The following CSMD1 variants were observed in gnomAD, a reference collection of about 807,000 sequenced individuals.
The protein encoded by CSMD1 is CUB and Sushi multiple domains 1, also known as CUB and sushi domain-containing protein 1.
A neutral mutation model predicts 417.5 loss-of-function variants in CSMD1; 213 were observed. That is an observed-to-expected ratio of 0.51 (90% CI 0.46 to 0.57). The LOEUF (loss-of-function observed/expected upper bound fraction) is 0.57, where lower values mean the gene tolerates loss of function less well. CSMD1 is among the 20% of genes least tolerant of loss of function. CSMD1 has a pLI of 0.00. For synonymous variants in CSMD1, 2,862 were observed against 1,736.8 expected, an observed-to-expected ratio of 1.65 and a Z score of -16.11; for missense variants, 6,923 against 4,529.7, an observed-to-expected ratio of 1.53 and a Z score of -15.17.
intron 3 of CSMD1, among the ~76,000 whole-genome samples, chr8:4,327,265 G>C (rs1422286335): frequency 3.3e-5 from 5 of 152,138 alleles, no homozygotes; most frequent in Non-Finnish European, 1.5e-5. Context: ...CCATTTTACA[G>C]TCAATTGCTC....
chr8:3,653,817 T>C (rs957165282), intron 7 of CSMD1, among the ~76,000 whole-genome samples: 1 of 152,168 alleles, frequency 6.6e-6, no homozygotes, highest in Non-Finnish European at 1.5e-5. Flanking sequence ...GACCAATACA[T>C]ATTTGATAGA....
At chr8:3,967,219 C>G (rs1563263777) in intron 5 of CSMD1, among the ~76,000 whole-genome samples, 1 of 152,098 alleles carries the variant, frequency 6.6e-6, no homozygotes, top group African/African-American at 2.4e-5. Context: ...CTCTTCCCCA[C>G]TTCAGCTATT....
At chr8:3,028,227 G>T (rs919549171) in intron 51 of CSMD1, among the ~76,000 whole-genome samples, 4 of 152,174 alleles carry the variant, frequency 2.6e-5, no homozygotes, top group African/African-American at 9.7e-5. Flanking sequence ...TAGGCAAAAG[G>T]TTAGAGTTCC....
rs146926975 is a variant in CSMD1 at position 3,308,460 on chromosome 8, G to A, written c.3675C>T (p.Tyr1225=). 421 of 1,613,536 alleles carry A rather than the reference G, an allele frequency of 2.6e-4. 1 individual carries two copies. The highest frequency in any genetic ancestry group is 4.7e-4 in the Admixed American group (28 of 59,988). ...VKCEDPGIPN[Y]GYRIRDEGHF... ...GGCCTTCATCACGGATCCTATAGCCGTAGTTAGGGATGCCCGGATCCTCAC... is the reference window on the plus strand; with the variant it reads ...GGCCTTCATCACGGATCCTATAGCCATAGTTAGGGATGCCCGGATCCTCAC... Residue 1225 remains tyrosine (Y), a synonymous_variant, in exon 24 of 70, where the codon TAC becomes TAT. Transcript: ENST00000635120.
Position 3,003,704 on chromosome 8 carries a change from G to A in CSMD1, c.8030-3573C>T, listed in dbSNP as rs142277565. On this transcript the variant is annotated intron_variant, in intron 52 of 69. Transcript: ENST00000635120. ...GCAGCTGTCACGTGCAGAGTCCTGA[G>A]GGTGTGCGGACCTAGCAGGCTGGGA... 1.6e-4 allele frequency among the ~76,000 whole-genome samples: 24 copies of A among 152,288 alleles called. No individual in the cohort carries two copies. In the East Asian group the frequency reaches 3.3e-3, roughly 21 times the overall value.
intron 3 of CSMD1, among the ~76,000 whole-genome samples, chr8:4,155,022 C>T (rs934139024): frequency 3.9e-5 from 6 of 152,184 alleles, no homozygotes; most frequent in African/African-American, 1.4e-4. Context: ...TGATAAACCT[C>T]ATCACAGAAC....
chr8:4,611,124 G>A (rs1801144142), intron 2 of CSMD1, among the ~76,000 whole-genome samples: 1 of 151,982 alleles, frequency 6.6e-6, no homozygotes, highest in African/African-American at 2.4e-5. Context: ...AGAGATAATG[G>A]CTGTTACTGT....
chr8:3,403,234 T>C (rs1304902508), intron 15 of CSMD1, among the ~76,000 whole-genome samples: 1 of 152,242 alleles, frequency 6.6e-6, no homozygotes, highest in Non-Finnish European at 1.5e-5. Context: ...CTGTAAGGGA[T>C]GTGAGCTTCT....
rs114145039 is a variant in CSMD1, at chr8:3,415,051, T to G, written c.1562-5446A>C. Among the ~76,000 whole-genome samples, 256 of 152,328 alleles carry G rather than the reference T, an allele frequency of 1.7e-3. 1 individual carries two copies. The highest frequency in any genetic ancestry group is 6.0e-3 in the African/African-American group (249 of 41,576). ...TTCAGAGTCAACACACAACAGATGC[T>G]TTTCTAAATTATTGTTCTTATTAAA... On this transcript the variant is annotated intron_variant, in intron 12 of 69. Coordinates refer to ENST00000635120, the MANE Select transcript of CSMD1 (RefSeq NM_033225.6).
intron 1 of CSMD1, among the ~76,000 whole-genome samples, chr8:4,694,914 A>C (rs1183409656): frequency 6.6e-6 from 1 of 152,118 alleles, no homozygotes; most frequent in African/African-American, 2.4e-5. Flanking sequence ...ATCTATAGCC[A>C]AGGAAACTTC....
rs547781386 is a variant in CSMD1, at chr8:3,715,331, G to C, written c.932-6840C>G. 8.6e-4 allele frequency among the ~76,000 whole-genome samples: 131 copies of C among 152,198 alleles called. 1 individual carries two copies. The highest frequency in any genetic ancestry group is 1.4e-3 in the Non-Finnish European group (96 of 68,012). On this transcript the variant is annotated intron_variant, in intron 6 of 69. Transcript: ENST00000635120. Reference sequence around the variant, plus strand: ...TCAGTAGGAGCTATGTCTCTACTGTGGTTGTTTTCCTGAAGGATGGAACCA... The same window carrying C: ...TCAGTAGGAGCTATGTCTCTACTGTCGTTGTTTTCCTGAAGGATGGAACCA...
intron 3 of CSMD1, among the ~76,000 whole-genome samples, chr8:4,380,384 C>G (rs761421702): frequency 6.6e-6 from 1 of 152,142 alleles, no homozygotes; most frequent in Admixed American, 6.5e-5. Flanking sequence ...ATCTATAGCT[C>G]CAGTCAACAC....
chr8:4,570,944 T>C (rs531917319), intron 2 of CSMD1, among the ~76,000 whole-genome samples: 1 of 152,346 alleles, frequency 6.6e-6, no homozygotes, highest in East Asian at 1.9e-4. Context: ...GTATTTATAG[T>C]ATTCTGTGGT....
chr8:4,771,117 C>T (rs958078138), intron 1 of CSMD1, among the ~76,000 whole-genome samples: 2 of 152,146 alleles, frequency 1.3e-5, no homozygotes, highest in African/African-American at 4.8e-5. Context: ...CATATAACCT[C>T]ATGTTAAAAT....
intron 49 of CSMD1, among the ~76,000 whole-genome samples, chr8:3,076,304 G>A (rs1455250745): frequency 2.7e-5 from 2 of 73,886 alleles, no homozygotes; most frequent in African/African-American, 1.6e-4. Flanking sequence ...CTCTGTCTCT[G>A]CAGGCTAACT....
chr8:3,054,193 T>G (rs2128990508), intron 49 of CSMD1, among the ~76,000 whole-genome samples: 1 of 152,280 alleles, frequency 6.6e-6, no homozygotes, highest in South Asian at 2.1e-4. Context: ...ACCAAAATAT[T>G]AAATAAATAC....
chr8:3,573,950 T>C (rs973430044), intron 10 of CSMD1, among the ~76,000 whole-genome samples: 5 of 152,128 alleles, frequency 3.3e-5, no homozygotes, highest in African/African-American at 1.2e-4. Flanking sequence ...CAAGCATCTA[T>C]ATTGAACTTA....
At position 3,343,431 on chromosome 8, in the gene CSMD1, C is replaced by A; in HGVS notation, c.3494G>T (p.Ser1165Ile). ...GAACGTGCCCAGTGGACGTGAGGAA[C>A]TGTCTTTTCCATCATATACCTGATG... ...DTLKVYDGKDSSSRPLGTFTK... is the reference protein window; with the variant it reads ...DTLKVYDGKDISSRPLGTFTK... The change falls in exon 23 of 70, where the codon AGT becomes ATT. Residue 1165 changes from serine (S) to isoleucine (I), a missense_variant. Ser to Ile is a moderately radical substitution (Grantham distance 142, BLOSUM62 -2). Transcript: ENST00000635120. The A allele has an allele frequency of 6.2e-7, 1 of 1,613,744 alleles. No homozygotes were observed. Among genetic ancestry groups the A allele is most frequent in the Non-Finnish European group, 8.5e-7 (1 of 1,179,714 alleles).
chr8:3,543,719 T>A (rs1289295006), intron 10 of CSMD1, among the ~76,000 whole-genome samples: 2 of 152,048 alleles, frequency 1.3e-5, no homozygotes, highest in African/African-American at 4.8e-5. Context: ...CAGAGTTTGC[T>A]TTTAGACATG....
Sources: gnomAD v4.1 joint callset for allele counts (sites outside exome capture counted in the v4.1 genomes callset) on GRCh38, gnomAD v4.1.1 for gene constraint, MANE v1.5 for transcripts, NCBI Gene and HGNC (gene_info 2026-07-23, HGNC 2026-07-21) for gene names.